The following FGF12 variants were observed in gnomAD, a reference collection of about 807,000 sequenced individuals.
FGF12 encodes fibroblast growth factor 12B.
FGF12 carries 14 observed loss-of-function variants against 23.6 expected under a neutral mutation model. That is an observed-to-expected ratio of 0.59 (90% CI 0.39 to 0.93). The LOEUF is 0.93. FGF12 is among the 40% of genes least tolerant of loss of function. FGF12 has a pLI of 0.00. For synonymous variants in FGF12, 62 were observed against 77.3 expected, an observed-to-expected ratio of 0.80 and a Z score of 1.04; for missense variants, 175 against 217.8, an observed-to-expected ratio of 0.80 and a Z score of 1.24.
At chr3:192,601,313 AG>A (rs1714106052) in intron 2 of FGF12, among the ~76,000 whole-genome samples, 1 of 152,128 alleles carries the variant, frequency 6.6e-6, no homozygotes, top group South Asian at 2.1e-4. Context: ...GGAAATAGGG[AG>A]AGATCTGTTA....
chr3:192,319,760 T>C (rs995276463), intron 4 of FGF12, among the ~76,000 whole-genome samples: 4 of 152,192 alleles, frequency 2.6e-5, no homozygotes, highest in African/African-American at 7.2e-5. Flanking sequence ...AGTTTGTTTA[T>C]GCAGCCTGTG....
chr3:192,500,665 G>A (rs76633106), intron 2 of FGF12, among the ~76,000 whole-genome samples: 213 of 152,304 alleles, frequency 1.4e-3, no homozygotes, highest in African/African-American at 4.9e-3. Flanking sequence ...TATTAGCCAA[G>A]CAAGACTGCT....
At chr3:192,498,946 C>T (rs1204629991) in intron 2 of FGF12, among the ~76,000 whole-genome samples, 2 of 152,162 alleles carry the variant, frequency 1.3e-5, no homozygotes, top group East Asian at 3.8e-4. Context: ...TTGTGTGCAA[C>T]AAAATAGCTA....
chr3:192,236,349 A>G (rs1439081436), intron 4 of FGF12, among the ~76,000 whole-genome samples: 1 of 152,200 alleles, frequency 6.6e-6, no homozygotes, highest in Non-Finnish European at 1.5e-5. Context: ...TGTTAGATAC[A>G]GTATTCTCTA....
At chr3:192,371,858 T>C (rs934146212) in intron 2 of FGF12, among the ~76,000 whole-genome samples, 5 of 152,196 alleles carry the variant, frequency 3.3e-5, no homozygotes, top group African/African-American at 1.2e-4. Flanking sequence ...TTACACCTCA[T>C]TGTTAATCAT....
chr3:192,141,935 T>TC lies in FGF12; in HGVS notation c.*2073_*2074insG. Reference sequence around the variant, plus strand: ...TTGTGCTTGGGATTTTTTTCTTTTTTTTTTTGGTTCTGGTAGTGACAGGTG... The same window carrying TC: ...TTGTGCTTGGGATTTTTTTCTTTTTTCTTTTTGGTTCTGGTAGTGACAGGTG... On this transcript the variant is annotated 3_prime_UTR_variant, in exon 6 of 6. Transcript: ENST00000445105. 6.6e-6 allele frequency: 1 copy of TC among 152,390 alleles called. No individual in the cohort carries two copies. The allele number at this position is 152,390 out of a possible 1,614,324, so 9.4% of individuals were successfully genotyped here. A position where few individuals can be genotyped will look rare whatever the true frequency, so the allele number is the denominator to read the frequency against.
At chr3:192,403,548 T>G (rs1367373596) in intron 2 of FGF12, among the ~76,000 whole-genome samples, 4 of 19,572 alleles carry the variant, frequency 2.0e-4, no homozygotes, top group East Asian at 1.7e-3. Flanking sequence ...GGTCTTACTG[T>G]TTTTTTTTTT....
At chr3:192,668,230 A>T (rs13327189) in intron 2 of FGF12, among the ~76,000 whole-genome samples, 78,025 of 151,912 alleles carry the variant, frequency 0.51, 20,439 homozygotes, top group East Asian at 0.66. Flanking sequence ...AAGTTATATA[A>T]AATTGAAAAC....
intron 4 of FGF12, among the ~76,000 whole-genome samples, chr3:192,283,577 T>G (rs1056850567): frequency 6.6e-6 from 1 of 152,138 alleles, no homozygotes; most frequent in African/African-American, 2.4e-5. Flanking sequence ...TTATCACTCC[T>G]GGTTGGGAGA....
chr3:192,681,300 C>T (rs914047117), intron 2 of FGF12, among the ~76,000 whole-genome samples: 1 of 152,192 alleles, frequency 6.6e-6, no homozygotes, highest in African/African-American at 2.4e-5. Flanking sequence ...GAGGAAAGGG[C>T]TGCCTTAGGA....
At chr3:192,322,695 G>A (rs1116985) in intron 4 of FGF12, among the ~76,000 whole-genome samples, 43,464 of 151,836 alleles carry the variant, frequency 0.29, 8,857 homozygotes, top group African/African-American at 0.57. Context: ...AAATAAATTC[G>A]TACCTCTACA....
chr3:192,255,098 A>G (rs759089630), intron 4 of FGF12, among the ~76,000 whole-genome samples: 30 of 152,008 alleles, frequency 2.0e-4, no homozygotes, highest in Non-Finnish European at 4.0e-4. Flanking sequence ...AAATACTTTA[A>G]TTGCTGATGC....
At position 192,618,413 on chromosome 3, in the gene FGF12, G is replaced by A. The variant is rs540340169; in HGVS notation, c.13+108768C>T. ...GCAGATTAGTGCCATTTGATGTAAG[G>A]CAAGATAATAAATAGATTGATTTTT... On this transcript the variant is annotated intron_variant, in intron 2 of 5. Coordinates refer to ENST00000445105, the MANE Select transcript of FGF12 (RefSeq NM_004113.6). 1.3e-3 allele frequency among the ~76,000 whole-genome samples: 197 copies of A among 152,112 alleles called. 4 individuals are homozygous for A. The South Asian group carries it at 0.04, about 31-fold the overall frequency.
chr3:192,390,336 G>C (rs1348524918), intron 2 of FGF12, among the ~76,000 whole-genome samples: 1 of 152,198 alleles, frequency 6.6e-6, no homozygotes, highest in Non-Finnish European at 1.5e-5. Context: ...AGAGAGGATG[G>C]AGAGATTGAA....
At chr3:192,271,550 C>T in intron 4 of FGF12, among the ~76,000 whole-genome samples, 1 of 152,136 alleles carries the variant, frequency 6.6e-6, no homozygotes, top group East Asian at 1.9e-4. Context: ...CATTTCCCAC[C>T]TACCTGCCTA....
Position 192,292,055 on chromosome 3 carries a change from C to G in FGF12, c.228+43306G>C, listed in dbSNP as rs62292838. On this transcript the variant is annotated intron_variant, in intron 4 of 5. Transcript: ENST00000445105. ...GCTCAAAACATGTGTTGACACTCAA[C>G]CAAAATATGAAAATGGCTAACATTC... 2.2e-3 allele frequency among the ~76,000 whole-genome samples: 340 copies of G among 152,238 alleles called. 1 individual carries two copies. Among genetic ancestry groups the G allele is most frequent in the Middle Eastern group, 6.8e-3 (2 of 294 alleles).
intron 2 of FGF12, among the ~76,000 whole-genome samples, chr3:192,407,658 C>T (rs1023665207): frequency 6.6e-6 from 1 of 151,680 alleles, no homozygotes; most frequent in African/African-American, 2.4e-5. Context: ...GATGCATGGA[C>T]GGATAGATGC....
At chr3:192,261,320 C>T (rs1459785778) in intron 4 of FGF12, among the ~76,000 whole-genome samples, 1 of 152,132 alleles carries the variant, frequency 6.6e-6, no homozygotes, top group Non-Finnish European at 1.5e-5. Flanking sequence ...ACTATTTTTA[C>T]ACCTCCTCTG....
At chr3:192,622,776 G>A (rs1054655509) in intron 2 of FGF12, among the ~76,000 whole-genome samples, 2 of 152,026 alleles carry the variant, frequency 1.3e-5, no homozygotes, top group Non-Finnish European at 2.9e-5. Context: ...GGACCCAAAT[G>A]CACACACACT....
Sources: allele counts gnomAD v4.1 joint callset (sites outside exome capture counted in the v4.1 genomes callset), GRCh38; gene constraint gnomAD v4.1.1; transcripts MANE v1.5; gene names NCBI Gene and HGNC (gene_info 2026-07-23, HGNC 2026-07-21).